Variants in GALNT13 observed in about 807,000 individuals in gnomAD.
GALNT13 encodes UDP-GalNAc:polypeptide N-acetylgalactosaminyltransferase 13.
GALNT13 carries 28 observed loss-of-function variants against 64.2 expected under a neutral mutation model. The ratio of observed to expected loss-of-function variants is 0.44; its 90% CI spans 0.32 to 0.60. GALNT13 has a LOEUF of 0.60. GALNT13 is among the 20% of genes least tolerant of loss of function. GALNT13 has a pLI of 0.05. For synonymous variants in GALNT13, 214 were observed against 224.6 expected, an observed-to-expected ratio of 0.95 and a Z score of 0.42; for missense variants, 577 against 669.8, an observed-to-expected ratio of 0.86 and a Z score of 1.53.
chr2:153,714,610 TTAAGG>T, the GALNT13 span, among the ~76,000 whole-genome samples: 1 of 152,096 alleles, frequency 6.6e-6, no homozygotes. Flanking sequence ...AATGTTATAA[TTAAGG>T]TAGAGAAAAA....
rs370555550 is a variant in GALNT13, at chr2:153,925,603, G to T, written c.-104-18791G>T. Among the ~76,000 whole-genome samples the T allele has an allele frequency of 9.3e-5, 14 of 150,600 alleles. No individual in the cohort carries two copies. The East Asian group carries it at 2.5e-3, about 27-fold the overall frequency. The stretch of plus-strand genomic sequence containing the variant: ...TTCTGATTCTGTGAGGAATGTCAAT[G>T]GTAGTTTAATGAAAATAGCATTGAA... On this transcript the variant is annotated intron_variant, in intron 2 of 12. Coordinates refer to ENST00000392825, the MANE Select transcript of GALNT13 (RefSeq NM_052917.4).
the GALNT13 span, among the ~76,000 whole-genome samples, chr2:153,674,651 A>C: frequency 2.0e-5 from 3 of 152,216 alleles, no homozygotes; most frequent in Non-Finnish European, 4.4e-5. Context: ...CAAAGACTTC[A>C]TGACTAAAAC....
chr2:153,323,436 G>A, the GALNT13 span, among the ~76,000 whole-genome samples: 1 of 152,002 alleles, frequency 6.6e-6, no homozygotes, highest in South Asian at 2.1e-4. Context: ...CCATTCTGTA[G>A]GTTGCCTGTT....
chr2:153,516,437 G>A, the GALNT13 span, among the ~76,000 whole-genome samples: 261 of 152,272 alleles, frequency 1.7e-3, no homozygotes, highest in Admixed American at 3.2e-3. Flanking sequence ...GGGAGAGGAT[G>A]TGTTAGATTT....
chr2:153,477,000 G>T, the GALNT13 span, among the ~76,000 whole-genome samples: 30 of 152,302 alleles, frequency 2.0e-4, no homozygotes, highest in African/African-American at 6.7e-4. Context: ...GTAATCCTGT[G>T]TTCCCGCCGG....
the GALNT13 span, among the ~76,000 whole-genome samples, chr2:153,358,693 A>C: frequency 6.6e-6 from 1 of 152,278 alleles, no homozygotes; most frequent in African/African-American, 2.4e-5. Context: ...TTTAATTATG[A>C]AGTATTATAA....
the GALNT13 span, among the ~76,000 whole-genome samples, chr2:153,575,829 T>C: frequency 6.6e-6 from 1 of 152,152 alleles, no homozygotes; most frequent in Non-Finnish European, 1.5e-5. Flanking sequence ...AAGAGCCTGC[T>C]TGGTGCTCTA....
intron 3 of GALNT13, among the ~76,000 whole-genome samples, chr2:154,118,368 G>A (rs1681728522): frequency 7.1e-6 from 1 of 140,424 alleles, no homozygotes; most frequent in African/African-American, 2.7e-5. Flanking sequence ...ATTCACTTGT[G>A]TGGAATATCT....
chr2:153,338,292 C>G, the GALNT13 span, among the ~76,000 whole-genome samples: 4 of 151,158 alleles, frequency 2.6e-5, no homozygotes, highest in Non-Finnish European at 5.9e-5. Context: ...GACCCTGTTT[C>G]TAAACATATA....
At chr2:154,300,235 TG>T (rs1317832834) in intron 8 of GALNT13, among the ~76,000 whole-genome samples, 1 of 151,832 alleles carries the variant, frequency 6.6e-6, no homozygotes, top group East Asian at 1.9e-4. Context: ...CCTGAGTAGC[TG>T]GGACTACAGG....
the GALNT13 span, among the ~76,000 whole-genome samples, chr2:153,746,488 A>C: frequency 6.6e-6 from 1 of 152,200 alleles, no homozygotes; most frequent in African/African-American, 2.4e-5. Flanking sequence ...TAGTTCATTT[A>C]ATCTTGTTGT....
chr2:153,930,114 C>T (rs1356145089), intron 2 of GALNT13, among the ~76,000 whole-genome samples: 1 of 152,014 alleles, frequency 6.6e-6, no homozygotes, highest in Non-Finnish European at 1.5e-5. Flanking sequence ...ATCGTTTTTC[C>T]TTATGTTTGT....
At chr2:153,433,199 TTCAAAGGA>T in the GALNT13 span, among the ~76,000 whole-genome samples, 1 of 152,172 alleles carries the variant, frequency 6.6e-6, no homozygotes, top group Non-Finnish European at 1.5e-5. Flanking sequence ...CATCATTGAT[TTCAAAGGA>T]GAACTTGAAA....
chr2:154,451,437 A>G lies in GALNT13; in HGVS notation c.*886A>G, dbSNP rs1186957250. 1.3e-5 allele frequency: 2 copies of G among 152,100 alleles called. No individual in the cohort carries two copies. The highest frequency in any genetic ancestry group is 4.8e-5 in the African/African-American group (2 of 41,436). 9.4% of individuals were successfully genotyped at this position (152,100 alleles called of 1,614,324 possible). On this transcript the variant is annotated 3_prime_UTR_variant, in exon 13 of 13. Coordinates refer to ENST00000392825, the MANE Select transcript of GALNT13 (RefSeq NM_052917.4). ...TGCCATTGATGCTGTACAGAATTGC[A>G]GGTGAAAGGGAGAATTTTAGACTTA... is the stretch of plus-strand genomic sequence containing the variant.
the GALNT13 span, among the ~76,000 whole-genome samples, chr2:153,120,015 CAACT>C: frequency 1.3e-5 from 2 of 152,114 alleles, no homozygotes; most frequent in South Asian, 2.1e-4. Context: ...TGGGAGAACT[CAACT>C]AAGACAGTGA....
the GALNT13 span, among the ~76,000 whole-genome samples, chr2:153,373,820 A>G: frequency 5.9e-5 from 9 of 152,066 alleles, no homozygotes; most frequent in Admixed American, 3.9e-4. Context: ...TATGAATTTG[A>G]TTAATCTAGG....
the GALNT13 span, among the ~76,000 whole-genome samples, chr2:153,332,372 T>A: frequency 6.6e-6 from 1 of 152,184 alleles, no homozygotes; most frequent in Non-Finnish European, 1.5e-5. Context: ...ATATGCTGTA[T>A]AATTGTTTTC....
intron 3 of GALNT13, among the ~76,000 whole-genome samples, chr2:153,971,506 G>C (rs12052245): frequency 0.07 from 10,715 of 152,136 alleles, 446 homozygotes; most frequent in Middle Eastern, 0.13. Context: ...TGTCATGATA[G>C]AAGAATCTGC....
the GALNT13 span, among the ~76,000 whole-genome samples, chr2:153,673,776 G>A: frequency 6.6e-6 from 1 of 152,144 alleles, no homozygotes; most frequent in Non-Finnish European, 1.5e-5. Flanking sequence ...TGTCTCTGTT[G>A]CAGATGACAT....
Sources: allele counts gnomAD v4.1 joint callset (sites outside exome capture counted in the v4.1 genomes callset), GRCh38; gene constraint gnomAD v4.1.1; transcripts MANE v1.5; gene names NCBI Gene and HGNC (gene_info 2026-07-23, HGNC 2026-07-21).